Variants in TPTE observed in about 807,000 individuals in gnomAD.
TPTE encodes the protein putative tyrosine-protein phosphatase TPTE.
Under a neutral mutation model 84.1 loss-of-function variants are expected in TPTE, and 59 were observed. That is an observed-to-expected ratio of 0.70 (90% CI 0.57 to 0.87). The LOEUF is 0.87. TPTE is among the 40% of genes least tolerant of loss of function. The pLI, the probability that TPTE is intolerant of heterozygous loss-of-function variation, is 0.00. For synonymous variants in TPTE, 130 were observed against 223.5 expected, an observed-to-expected ratio of 0.58 and a Z score of 3.73; for missense variants, 382 against 659.6, an observed-to-expected ratio of 0.58 and a Z score of 4.61.
chr21:10,529,485 C>A (rs1465745321), intron 3 of TPTE, among the ~76,000 whole-genome samples: 1 of 152,310 alleles, frequency 6.6e-6, no homozygotes, highest in Non-Finnish European at 1.5e-5. Flanking sequence ...ACTCTAAAAT[C>A]TCAGCATTCA....
chr21:10,543,500 C>T (rs1282866443), intron 7 of TPTE, 118 bp downstream of exon 7: 19 of 1,571,548 alleles, frequency 1.2e-5, no homozygotes, highest in Non-Finnish European at 1.6e-5. Context: ...TTTGTCAACA[C>T]ATTTACACAA....
intron 7 of TPTE, among the ~76,000 whole-genome samples, chr21:10,545,348 A>G: frequency 6.6e-6 from 1 of 152,312 alleles, no homozygotes; most frequent in East Asian, 1.9e-4. Context: ...TCTTCTAGGA[A>G]AAAATGATAT....
chr21:10,589,586 G>A (rs1351216553), intron 17 of TPTE, among the ~76,000 whole-genome samples: 2 of 152,288 alleles, frequency 1.3e-5, no homozygotes, highest in African/African-American at 4.8e-5. Context: ...GCGTTTCCCT[G>A]TGTCTTTCCC....
chr21:10,556,814 G>A (rs562441700), intron 8 of TPTE, among the ~76,000 whole-genome samples: 5 of 152,418 alleles, frequency 3.3e-5, no homozygotes, highest in Non-Finnish European at 7.3e-5. Flanking sequence ...ATTTTTTCAT[G>A]TGTCTGTTGG....
At chr21:10,579,627 G>A (rs1337126243) in intron 17 of TPTE, among the ~76,000 whole-genome samples, 4 of 152,310 alleles carry the variant, frequency 2.6e-5, no homozygotes, top group Admixed American at 6.5e-5. Flanking sequence ...AAATAAGCAA[G>A]ACATGCAGTA....
chr21:10,605,428 CA>C lies in TPTE; in HGVS notation c.1538del (p.Asn513MetfsTer29). On this transcript the variant is annotated frameshift_variant, in exon 24 of 24. Transcript: ENST00000618007. LOFTEE classifies it high-confidence loss of function. ...SFIENNRLYLPKNELDNLHKQ... is the reference protein window; with the variant it reads ...SFIENNRLYLXKNELDNLHKQ... ...TTTTCTATTCTTAGGCTTTATCTAC[CA>C]AAAAATGAATTGGATAATCTACATA... 1 of 1,613,838 alleles carries C rather than the reference CA, an allele frequency of 6.2e-7. No individual in the cohort carries two copies. The highest frequency in any genetic ancestry group is 8.5e-7 in the Non-Finnish European group (1 of 1,179,848).
In TPTE at chr21:10,532,930, G is replaced by C. The variant is rs2338985; in HGVS notation, c.-44+5518G>C. Among the ~76,000 whole-genome samples, 39 of 152,392 alleles carry C rather than the reference G, an allele frequency of 2.6e-4. No individual in the cohort carries two copies. The East Asian group carries it at 5.4e-3, about 21-fold the overall frequency. ...CTTGTGCCCTCATAGGTCTTTTGCT[G>C]TTTCTAGAAGGTGTTAGAATTTTCT... On this transcript the variant is annotated intron_variant, in intron 3 of 23. Transcript: ENST00000618007.
intron 17 of TPTE, among the ~76,000 whole-genome samples, chr21:10,587,426 G>C (rs1600960645): frequency 6.6e-6 from 1 of 152,422 alleles, no homozygotes; most frequent in East Asian, 1.9e-4. Context: ...ATGTCCATGA[G>C]CACCCATTGT....
At chr21:10,524,515 T>G (rs2074044657) in intron 1 of TPTE, 65 bp from the exon 2 acceptor site, 1 of 152,588 alleles carries the variant, frequency 6.6e-6, no homozygotes, top group Admixed American at 6.5e-5. Flanking sequence ...GGAAAAGCCA[T>G]AATCTTGAAA....
chr21:10,572,037 A>C (rs1423523876), intron 14 of TPTE, among the ~76,000 whole-genome samples: 15 of 152,292 alleles, frequency 9.8e-5, no homozygotes, highest in Non-Finnish European at 1.8e-4. Flanking sequence ...CAAGAGCTTT[A>C]AAAACAGACA....
chr21:10,539,111 G>C (rs2074320693), intron 4 of TPTE, among the ~76,000 whole-genome samples: 2 of 152,420 alleles, frequency 1.3e-5, no homozygotes, highest in Non-Finnish European at 2.9e-5. Context: ...GTCACTGTTA[G>C]TTCCTAGTAA....
chr21:10,561,855 T>C (rs1023987952), intron 10 of TPTE, among the ~76,000 whole-genome samples: 8 of 152,308 alleles, frequency 5.3e-5, no homozygotes, highest in Non-Finnish European at 7.3e-5. Flanking sequence ...TTTTACGATG[T>C]GATGACTGTA....
intron 1 of TPTE, among the ~76,000 whole-genome samples, chr21:10,522,023 G>A (rs1418334677): frequency 2.0e-5 from 3 of 152,202 alleles, no homozygotes; most frequent in Admixed American, 6.5e-5. Context: ...GTGAGGAAAT[G>A]GCCTAGGAGC....
chr21:10,579,023 T>A (rs546409608), intron 17 of TPTE, among the ~76,000 whole-genome samples: 1 of 152,426 alleles, frequency 6.6e-6, no homozygotes, highest in South Asian at 2.1e-4. Flanking sequence ...TACAACATGA[T>A]GTTTTGATAT....
chr21:10,563,328 G>A (rs2074846226), intron 10 of TPTE, among the ~76,000 whole-genome samples: 1 of 152,308 alleles, frequency 6.6e-6, no homozygotes, highest in Non-Finnish European at 1.5e-5. Flanking sequence ...AAACTCACTG[G>A]TAATAGTAGG....
At chr21:10,573,030 T>G (rs567763100) in intron 14 of TPTE, among the ~76,000 whole-genome samples, 1 of 150,622 alleles carries the variant, frequency 6.6e-6, no homozygotes, top group Non-Finnish European at 1.5e-5. Flanking sequence ...AATTCCCAAT[T>G]AAAAGATATA....
intron 8 of TPTE, among the ~76,000 whole-genome samples, chr21:10,556,986 C>T (rs59432012): frequency 1.5e-4 from 23 of 152,412 alleles, no homozygotes; most frequent in Admixed American, 7.2e-4. Flanking sequence ...TCTCCCATTC[C>T]GTAGGTTGCC....
intron 3 of TPTE, among the ~76,000 whole-genome samples, chr21:10,528,349 T>C (rs2074117389): frequency 1.3e-5 from 2 of 152,306 alleles, no homozygotes; most frequent in Admixed American, 1.3e-4. Context: ...ATGGGAGGAA[T>C]TCAGGTTTGT....
At chr21:10,562,427 C>G (rs1183563677) in intron 10 of TPTE, among the ~76,000 whole-genome samples, 11 of 152,292 alleles carry the variant, frequency 7.2e-5, no homozygotes, top group Non-Finnish European at 1.6e-4. Context: ...ACACCAGGGG[C>G]CAATCCTGTA....
Sources: gnomAD v4.1 joint callset for allele counts (sites outside exome capture counted in the v4.1 genomes callset) on GRCh38, gnomAD v4.1.1 for gene constraint, MANE v1.5 for transcripts, NCBI Gene and HGNC (gene_info 2026-07-23, HGNC 2026-07-21) for gene names.